TEX11: variants seen among roughly 807,000 people sequenced by gnomAD.
TEX11 encodes the protein testis expressed 11.
Under a neutral mutation model 84.4 loss-of-function variants are expected in TEX11, and 7 were observed. The ratio of observed to expected loss-of-function variants is 0.08; its 90% CI spans 0.05 to 0.16. The LOEUF (loss-of-function observed/expected upper bound fraction) is 0.16, where lower values mean the gene tolerates loss of function less well. Among genes scored for constraint, TEX11 ranks in the 10% least tolerant of loss-of-function variants. TEX11 has a pLI of 1.00. For synonymous variants in TEX11, 264 were observed against 222.8 expected, an observed-to-expected ratio of 1.18 and a Z score of -1.64; for missense variants, 551 against 660.5, an observed-to-expected ratio of 0.83 and a Z score of 1.82.
intron 4 of TEX11, among the ~76,000 whole-genome samples, chrX:70,863,375 G>C (rs1446446989): frequency 1.8e-5 from 2 of 112,112 alleles, no homozygotes; most frequent in Admixed American, 1.9e-4. Context: ...TCCAGAGGAA[G>C]GAGCAGGCAG....
At chrX:70,750,159 G>A (rs1278638438) in intron 9 of TEX11, among the ~76,000 whole-genome samples, 1 of 111,762 alleles carries the variant, frequency 8.9e-6, no homozygotes, top group Non-Finnish European at 1.9e-5. Flanking sequence ...GCAGCCAAAA[G>A]ATACGTGAAA....
the TEX11 span, among the ~76,000 whole-genome samples, chrX:70,517,361 C>T: frequency 8.9e-6 from 1 of 111,970 alleles, no homozygotes; most frequent in Non-Finnish European, 1.9e-5. Flanking sequence ...AAGGCCTTTT[C>T]TGCATCTATT....
At position 70,692,425 on chromosome X, in the gene TEX11, A is replaced by G. The variant is rs545183468; in HGVS notation, c.1005-9600T>C. 1.8e-4 allele frequency among the ~76,000 whole-genome samples: 20 copies of G among 108,980 alleles called. No individual in the cohort carries two copies. The South Asian group carries it at 7.6e-3, about 41-fold the overall frequency. 94.6% of individuals were successfully genotyped at this position (108,980 alleles called of 115,157 possible). A position where few individuals can be genotyped will look rare whatever the true frequency, so the allele number is the denominator to read the frequency against. On this transcript the variant is annotated intron_variant, in intron 13 of 29. Coordinates refer to ENST00000374333, the MANE Select transcript of TEX11 (RefSeq NM_031276.3). ...AACTTTATACGTATTGAGCAACAAT[A>G]CCCCCTCTCCCCCACCTCCCAGCCC...
intron 13 of TEX11, among the ~76,000 whole-genome samples, chrX:70,695,401 T>TA (rs1182825707): frequency 2.7e-5 from 3 of 112,166 alleles, no homozygotes; most frequent in Middle Eastern, 8.4e-3. Flanking sequence ...TTCATTTATA[T>TA]AAAAATCTAG....
chrX:70,628,936 T>C (rs1302468818), intron 18 of TEX11, among the ~76,000 whole-genome samples: 2 of 112,525 alleles, frequency 1.8e-5, no homozygotes, highest in African/African-American at 6.4e-5. Flanking sequence ...CTATTTAAAG[T>C]AGTTTTAAAA....
At chrX:70,731,376 GA>G (rs1207831759) in intron 11 of TEX11, among the ~76,000 whole-genome samples, 2 of 110,475 alleles carry the variant, frequency 1.8e-5, no homozygotes, top group Non-Finnish European at 3.8e-5. Flanking sequence ...CTGGTTTTTT[GA>G]AAAGATCAAC....
intron 9 of TEX11, among the ~76,000 whole-genome samples, chrX:70,796,499 C>T (rs1354177304): frequency 1.8e-5 from 2 of 111,885 alleles, no homozygotes; most frequent in Non-Finnish European, 3.8e-5. Context: ...GATTATAGAA[C>T]ACCAGGTGGA....
intron 8 of TEX11, among the ~76,000 whole-genome samples, chrX:70,809,736 G>A (rs904404546): frequency 5.4e-5 from 6 of 110,390 alleles, no homozygotes; most frequent in Non-Finnish European, 9.5e-5. Flanking sequence ...TCACTCCGTC[G>A]CCCAGGCTGG....
chrX:70,639,398 G>C (rs1435863434), intron 17 of TEX11, among the ~76,000 whole-genome samples: 4 of 112,010 alleles, frequency 3.6e-5, no homozygotes, highest in South Asian at 3.7e-4. Context: ...CGGGAAGCTC[G>C]AACTGAGTGG....
intron 4 of TEX11, among the ~76,000 whole-genome samples, chrX:70,869,117 CAAAAT>C (rs1569458397): frequency 9.0e-5 from 6 of 66,821 alleles, no homozygotes; most frequent in Non-Finnish European, 1.4e-4. Context: ...TAAAATAAAA[CAAAAT>C]AAAATAAAGA....
intron 24 of TEX11, among the ~76,000 whole-genome samples, chrX:70,604,605 A>G (rs778856138): frequency 1.8e-5 from 2 of 111,588 alleles, no homozygotes; most frequent in Non-Finnish European, 3.8e-5. Context: ...ACAATATGAA[A>G]TAAGAGATTA....
intron 5 of TEX11, chrX:70,857,081 A>G (rs1201022219): frequency 2.7e-5 from 3 of 111,352 alleles, no homozygotes; most frequent in Non-Finnish European, 5.6e-5. Flanking sequence ...GTGGGGAAGC[A>G]CTGGGACACG....
the TEX11 span, among the ~76,000 whole-genome samples, chrX:70,512,547 C>CAGTA: frequency 4.6e-5 from 5 of 108,193 alleles, no homozygotes; most frequent in South Asian, 2.0e-3. Flanking sequence ...CTTATTCCCT[C>CAGTA]CTTTGGAATC....
Position 70,907,801 on chromosome X carries a change from T to C in TEX11, c.-12A>G. The C allele has an allele frequency of 4.3e-6, 5 of 1,158,531 alleles. No individual in the cohort carries two copies. Among genetic ancestry groups the C allele is most frequent in the Non-Finnish European group, 5.9e-6 (5 of 846,759 alleles). On this transcript the variant is annotated 5_prime_UTR_variant, in exon 2 of 30. Transcript: ENST00000374333. ...TCATCATTGTCCATTTTTAAATCTC[T>C]GGCTCAAGCCTGTGAAATAATAACA... is the stretch of plus-strand genomic sequence containing the variant.
At chrX:70,512,750 G>A in the TEX11 span, among the ~76,000 whole-genome samples, 1 of 109,180 alleles carries the variant, frequency 9.2e-6, no homozygotes, top group African/African-American at 3.4e-5. Context: ...GTGACTTCCT[G>A]ATTGATGATA....
intron 4 of TEX11, among the ~76,000 whole-genome samples, chrX:70,868,630 A>G (rs2091611859): frequency 1.8e-5 from 2 of 111,723 alleles, no homozygotes; most frequent in African/African-American, 6.5e-5. Context: ...ACCAACCCAA[A>G]TGCTCATCAA....
intron 25 of TEX11, among the ~76,000 whole-genome samples, chrX:70,562,737 G>T (rs1335908132): frequency 1.8e-5 from 2 of 111,927 alleles, no homozygotes; most frequent in Non-Finnish European, 3.8e-5. Context: ...TGTGAAAAAT[G>T]CATAGAATTG....
intron 14 of TEX11, 135 bp downstream of exon 14, chrX:70,682,539 A>G: frequency 3.0e-6 from 2 of 670,524 alleles, no homozygotes; most frequent in Non-Finnish European, 4.5e-6. Context: ...TGTTACTGTT[A>G]AAAGACCATT....
At chrX:70,701,498 T>C (rs4129426) in intron 13 of TEX11, among the ~76,000 whole-genome samples, 47,393 of 110,915 alleles carry the variant, frequency 0.43, 8,480 homozygotes, top group East Asian at 0.58. Context: ...TTACTGCTCG[T>C]TGACAATGCA....
Sources: gnomAD v4.1 joint callset for allele counts (sites outside exome capture counted in the v4.1 genomes callset) on GRCh38, gnomAD v4.1.1 for gene constraint, MANE v1.5 for transcripts, NCBI Gene and HGNC (gene_info 2026-07-23, HGNC 2026-07-21) for gene names.